SEM1: variants seen among roughly 807,000 people sequenced by gnomAD.
SEM1 encodes the protein SEM1 26S proteasome subunit.
A neutral mutation model predicts 12.7 loss-of-function variants in SEM1; 3 were observed. The ratio of observed to expected loss-of-function variants is 0.24; its 90% CI spans 0.11 to 0.61. The LOEUF is 0.61. SEM1 is among the 20% of genes least tolerant of loss of function. SEM1 has a pLI of 0.88. For missense variants in SEM1, 59 were observed against 81.3 expected, an observed-to-expected ratio of 0.73 and a Z score of 1.06; for synonymous variants, 30 against 27.8, an observed-to-expected ratio of 1.08 and a Z score of -0.25.
intron 2 of SEM1, among the ~76,000 whole-genome samples, chr7:96,549,498 G>A (rs78807248): frequency 0.012 from 1,795 of 152,208 alleles, 30 homozygotes; most frequent in African/African-American, 0.04. Flanking sequence ...TCATAAAAGC[G>A]TTCTTTAATT....
intron 2 of SEM1, among the ~76,000 whole-genome samples, chr7:96,566,405 A>T (rs4990848): frequency 1 from 151,688 of 151,750 alleles, 75,813 homozygotes; most frequent in East Asian, 1. Context: ...CATTTCATTT[A>T]ATTGAACTTT....
chr7:96,487,706 G>A (rs1406063773), intron 1 of SEM1, among the ~76,000 whole-genome samples: 4 of 150,202 alleles, frequency 2.7e-5, no homozygotes, highest in Admixed American at 2.6e-4. Context: ...TAAAAATGAG[G>A]CCTGTCAACT....
At chr7:96,599,385 A>C (rs1807118610) in intron 2 of SEM1, among the ~76,000 whole-genome samples, 1 of 152,168 alleles carries the variant, frequency 6.6e-6, no homozygotes, top group African/African-American at 2.4e-5. Flanking sequence ...GAGTAATAAT[A>C]AATAGTTCCC....
intron 2 of SEM1, chr7:96,645,271 G>A (rs1159764529): frequency 1.3e-5 from 2 of 152,650 alleles, no homozygotes; most frequent in African/African-American, 4.8e-5. Context: ...GAAGGTTTTT[G>A]CCCTCAGGGA....
chr7:96,517,021 G>C (rs1804115438), intron 2 of SEM1, among the ~76,000 whole-genome samples: 1 of 152,078 alleles, frequency 6.6e-6, no homozygotes, highest in Admixed American at 6.6e-5. Flanking sequence ...TTCTTGAAAA[G>C]GTAAAACCAT....
intron 2 of SEM1, among the ~76,000 whole-genome samples, chr7:96,525,743 C>A (rs542917676): frequency 6.6e-6 from 1 of 152,170 alleles, no homozygotes; most frequent in African/African-American, 2.4e-5. Flanking sequence ...ACTGCCTGAG[C>A]TCTACCTCCT....
intron 2 of SEM1, among the ~76,000 whole-genome samples, chr7:96,519,400 A>C (rs1449012784): frequency 6.6e-6 from 1 of 152,168 alleles, no homozygotes; most frequent in African/African-American, 2.4e-5. Context: ...TCAACAGCAG[A>C]CAGACCAGAT....
At chr7:96,496,805 AATTTC>A (rs1803288555), upstream of SEM1, among the ~76,000 whole-genome samples, 1 of 152,140 alleles carries the variant, frequency 6.6e-6, no homozygotes, top group Non-Finnish European at 1.5e-5. Flanking sequence ...GCAGTGATTA[AATTTC>A]ATTTCAAGGG....
intron 1 of SEM1, chr7:96,696,939 T>TTA (rs1790115625): frequency 6.6e-6 from 1 of 151,992 alleles, no homozygotes; most frequent in South Asian, 2.1e-4. Context: ...TCACTCAGTT[T>TTA]TAAAGGGTTA....
intron 2 of SEM1, among the ~76,000 whole-genome samples, chr7:96,588,383 CACACACACACACACGAGAGAGA>C (rs1269694818): frequency 1.4e-4 from 16 of 112,700 alleles, no homozygotes; most frequent in South Asian, 3.4e-4. Context: ...CACACACACA[CACACACACACACACGAGAGAGA>C]GAGAGAGAGA....
Position 96,599,875 on chromosome 7 carries a change from A to G in SEM1, c.171-93177T>C, listed in dbSNP as rs59548887. On this transcript the variant is annotated intron_variant and NMD_transcript_variant, in intron 2 of 3. Coordinates refer to the SEM1 transcript ENST00000466986. ...CTAAAGTATTGAGCCAAATATACAGATCCATTCTGAAATCATCATAAAAGG... is the reference window on the plus strand; with the variant it reads ...CTAAAGTATTGAGCCAAATATACAGGTCCATTCTGAAATCATCATAAAAGG... Among the ~76,000 whole-genome samples, 607 of 152,330 alleles carry G rather than the reference A, an allele frequency of 4.0e-3. 7 individuals carry two copies. Among genetic ancestry groups the G allele is most frequent in the African/African-American group, 0.013 (560 of 41,576 alleles).
At chr7:96,507,430 C>T (rs1350550949) in intron 2 of SEM1, among the ~76,000 whole-genome samples, 1 of 152,082 alleles carries the variant, frequency 6.6e-6, no homozygotes, top group Non-Finnish European at 1.5e-5. Context: ...AAAAGCACAA[C>T]CCCAAACAGC....
intron 1 of SEM1, among the ~76,000 whole-genome samples, chr7:96,700,125 C>G (rs1225356280): frequency 6.6e-6 from 1 of 152,120 alleles, no homozygotes; most frequent in African/African-American, 2.4e-5. Flanking sequence ...CAGCTAATAC[C>G]ATTCTCTCTG....
At chr7:96,696,070 GA>G (rs1412629693) in intron 1 of SEM1, 6 of 151,818 alleles carry the variant, frequency 4.0e-5, no homozygotes, top group Non-Finnish European at 7.4e-5. Context: ...TTAACTTAGA[GA>G]GGGGAAAAAT....
At chr7:96,497,604 G>A (rs886517587), upstream of SEM1, among the ~76,000 whole-genome samples, 2 of 152,088 alleles carry the variant, frequency 1.3e-5, no homozygotes, top group African/African-American at 4.8e-5. Flanking sequence ...TATAATAATA[G>A]CCAAAGACTT....
chr7:96,706,570 C>CAAAA (rs67892273), intron 1 of SEM1, among the ~76,000 whole-genome samples: 996 of 78,042 alleles, frequency 0.013, no homozygotes, highest in African/African-American at 0.025. Context: ...CTCAAACAAA[C>CAAAA]AAAAAAAAAA....
At chr7:96,658,627 G>A (rs1382310573) in intron 2 of SEM1, among the ~76,000 whole-genome samples, 1 of 152,156 alleles carries the variant, frequency 6.6e-6, no homozygotes, top group Admixed American at 6.5e-5. Flanking sequence ...CCAATAATGG[G>A]TAGAGTGTCT....
rs567324776 is a variant in SEM1, at chr7:96,649,645, A to G, written c.171-27002T>C. Reference sequence around the variant, plus strand: ...AACACATATGTGTATGTAGACAGCAACAAGACTTCTGCAGATCACTTCTGT... The same window carrying G: ...AACACATATGTGTATGTAGACAGCAGCAAGACTTCTGCAGATCACTTCTGT... On this transcript the variant is annotated intron_variant, in intron 2 of 2. Transcript: ENST00000417009. 4 of 152,328 alleles carry G rather than the reference A, an allele frequency of 2.6e-5. No homozygotes were observed. The South Asian group carries it at 8.3e-4, about 32-fold the overall frequency. 9.4% of individuals were successfully genotyped at this position (152,328 alleles called of 1,614,324 possible).
At chr7:96,623,576 T>C (rs960375179) in intron 2 of SEM1, among the ~76,000 whole-genome samples, 1 of 148,208 alleles carries the variant, frequency 6.7e-6, no homozygotes. Context: ...TATGTACTTG[T>C]TTATTATATA....
Sources: gnomAD v4.1 joint callset for allele counts (sites outside exome capture counted in the v4.1 genomes callset) on GRCh38, gnomAD v4.1.1 for gene constraint, MANE v1.5 for transcripts, NCBI Gene and HGNC (gene_info 2026-07-23, HGNC 2026-07-21) for gene names.